Variants in SLC44A5 observed in about 807,000 individuals in gnomAD.
SLC44A5 encodes choline transporter-like protein 5.
Under a neutral mutation model 101.8 loss-of-function variants are expected in SLC44A5, and 57 were observed. The observed-to-expected ratio is 0.56, with a 90% CI of 0.45 to 0.70. The LOEUF (loss-of-function observed/expected upper bound fraction) is 0.70. Ranked by LOEUF, SLC44A5 falls within the 30% of genes least tolerant of loss-of-function variation. SLC44A5 has a pLI of 0.00. For missense variants in SLC44A5, 737 were observed against 853.1 expected (o/e 0.86, Z 1.70); for synonymous variants, 281 against 290.9 (o/e 0.97, Z 0.35).
At chr1:75,348,655 G>T (rs1165345321) in intron 3 of SLC44A5, among the ~76,000 whole-genome samples, 1 of 152,040 alleles carries the variant, frequency 6.6e-6, no homozygotes, top group African/African-American at 2.4e-5. Flanking sequence ...TCTCATAATA[G>T]TTTTCCAAAG....
Position 75,530,897 on chromosome 1 carries a change from G to A in SLC44A5, c.13+10538C>T, listed in dbSNP as rs138450295. On this transcript the variant is annotated intron_variant, in intron 2 of 23. Coordinates refer to ENST00000370859, the MANE Select transcript of SLC44A5 (RefSeq NM_001130058.2). Reference sequence around the variant, plus strand: ...TAGGTCACATACCTGGACCAGTGATGGAAAGGTTGGGCATTTGAACAGAAA... The same window carrying A: ...TAGGTCACATACCTGGACCAGTGATAGAAAGGTTGGGCATTTGAACAGAAA... Among the ~76,000 whole-genome samples the A allele has an allele frequency of 2.4e-3, 370 of 152,258 alleles. 2 individuals are homozygous for A. The highest frequency in any genetic ancestry group is 8.2e-3 in the African/African-American group (342 of 41,540).
chr1:75,242,028 G>A lies in SLC44A5; in HGVS notation c.505C>T (p.Pro169Ser), dbSNP rs1370666381. Residue 169 changes from proline (P) to serine (S), a missense_variant, in exon 9 of 24, where the codon CCA becomes TCA. Around this residue, in one of 3 missense-constraint regions of SLC44A5, gnomAD observed 665 missense variants for 764.4 expected, o/e 0.87. Coordinates refer to ENST00000370859, the MANE Select transcript of SLC44A5 (RefSeq NM_001130058.2). ...GGTTTGCTGGGAAAAATCGCTGTTG[G>A]ACAATCATCATCCAGTAAAAGCTGT... ...LTQLLLDDDC[P>S]TAIFPSKPFL... 6.2e-7 allele frequency: 1 copy of A among 1,612,318 alleles called. No individual in the cohort carries two copies. The highest frequency in any genetic ancestry group is 8.5e-7 in the Non-Finnish European group (1 of 1,178,896).
upstream of SLC44A5, among the ~76,000 whole-genome samples, chr1:75,613,768 A>C (rs1675753871): frequency 5.3e-5 from 8 of 152,246 alleles, no homozygotes; most frequent in Admixed American, 5.2e-4. Flanking sequence ...TTATTTCACT[A>C]TCAAATTAAA....
intron 1 of SLC44A5, among the ~76,000 whole-genome samples, chr1:75,581,793 C>A (rs1314943798): frequency 6.6e-6 from 1 of 152,138 alleles, no homozygotes; most frequent in East Asian, 1.9e-4. Context: ...TTTAAAAGAG[C>A]CTAGCACCTG....
intron 3 of SLC44A5, among the ~76,000 whole-genome samples, chr1:75,361,491 T>C (rs564464206): frequency 1.3e-5 from 2 of 152,210 alleles, no homozygotes; most frequent in Non-Finnish European, 2.9e-5. Flanking sequence ...GCTTATGATA[T>C]ACAGCCTTTA....
chr1:75,543,363 G>C (rs1036938982), intron 1 of SLC44A5, among the ~76,000 whole-genome samples: 1 of 151,910 alleles, frequency 6.6e-6, no homozygotes, highest in Admixed American at 6.6e-5. Context: ...CAAGTGGAAA[G>C]CTTGTGTGCC....
At chr1:75,346,364 A>G (rs1161146612) in intron 3 of SLC44A5, among the ~76,000 whole-genome samples, 1 of 152,188 alleles carries the variant, frequency 6.6e-6, no homozygotes, top group Non-Finnish European at 1.5e-5. Flanking sequence ...AATTTGCTCT[A>G]TATGAACACA....
chr1:75,343,417 T>C (rs1008611520), intron 3 of SLC44A5, among the ~76,000 whole-genome samples: 4 of 152,164 alleles, frequency 2.6e-5, no homozygotes, highest in African/African-American at 9.7e-5. Flanking sequence ...CATGGCTCCA[T>C]TGAAAGCAAA....
At chr1:75,691,299 G>A in the SLC44A5 span, among the ~76,000 whole-genome samples, 1 of 152,142 alleles carries the variant, frequency 6.6e-6, no homozygotes, top group Admixed American at 6.5e-5. Context: ...GAAAATGATA[G>A]CAATGAGATT....
At chr1:75,567,158 G>T (rs1383463042) in intron 1 of SLC44A5, among the ~76,000 whole-genome samples, 1 of 149,970 alleles carries the variant, frequency 6.7e-6, no homozygotes, top group Non-Finnish European at 1.5e-5. Context: ...GAGCCATACT[G>T]CTTCTGCAGG....
chr1:75,432,301 A>G (rs1054166577), intron 2 of SLC44A5, among the ~76,000 whole-genome samples: 1 of 152,108 alleles, frequency 6.6e-6, no homozygotes, highest in East Asian at 1.9e-4. Flanking sequence ...TTATCCCACT[A>G]TGAGGCTGTT....
At chr1:75,718,494 A>C in the SLC44A5 span, among the ~76,000 whole-genome samples, 2 of 152,350 alleles carry the variant, frequency 1.3e-5, no homozygotes, top group Admixed American at 1.3e-4. Context: ...ACTGGAGGAC[A>C]TAAAATGATC....
At chr1:75,571,597 G>A (rs1013343312) in intron 1 of SLC44A5, among the ~76,000 whole-genome samples, 4 of 152,052 alleles carry the variant, frequency 2.6e-5, no homozygotes, top group African/African-American at 9.7e-5. Context: ...TATAAAATAA[G>A]CTTTGTATTA....
chr1:75,215,077 A>G (rs1361848330), intron 19 of SLC44A5, among the ~76,000 whole-genome samples: 1 of 152,162 alleles, frequency 6.6e-6, no homozygotes, highest in Non-Finnish European at 1.5e-5. Context: ...ACTAAATTTG[A>G]TTTATTGATG....
intron 3 of SLC44A5, among the ~76,000 whole-genome samples, chr1:75,369,736 TTTC>T (rs1156242177): frequency 6.6e-6 from 1 of 152,178 alleles, no homozygotes; most frequent in Non-Finnish European, 1.5e-5. Flanking sequence ...GGTTCTTTCA[TTTC>T]TTCAATATAA....
chr1:75,551,835 C>G (rs1557899684), intron 1 of SLC44A5, among the ~76,000 whole-genome samples: 1 of 152,026 alleles, frequency 6.6e-6, no homozygotes, highest in Non-Finnish European at 1.5e-5. Context: ...GACTCTCGGT[C>G]AACATGAGTT....
At chr1:75,684,234 C>T in the SLC44A5 span, among the ~76,000 whole-genome samples, 1 of 152,140 alleles carries the variant, frequency 6.6e-6, no homozygotes, top group African/African-American at 2.4e-5. Flanking sequence ...CCACCCTTGA[C>T]ACATGGGGAT....
intron 3 of SLC44A5, among the ~76,000 whole-genome samples, chr1:75,375,991 G>A (rs1442898058): frequency 3.3e-5 from 5 of 152,308 alleles, no homozygotes; most frequent in East Asian, 3.9e-4. Flanking sequence ...CACCGTGTGC[G>A]AGCCGAAGCA....
the SLC44A5 span, among the ~76,000 whole-genome samples, chr1:75,636,925 A>G: frequency 3.9e-5 from 6 of 152,078 alleles, no homozygotes; most frequent in African/African-American, 1.4e-4. Flanking sequence ...AACAAGGCTT[A>G]TTTGAGCAGT....
Sources: allele counts gnomAD v4.1 joint callset (sites outside exome capture counted in the v4.1 genomes callset), GRCh38; gene constraint gnomAD v4.1.1; regional missense constraint gnomAD v4.1.1; transcripts MANE v1.5; gene names NCBI Gene and HGNC (gene_info 2026-07-23, HGNC 2026-07-21).